The following ADAM7 variants were observed in gnomAD, a reference collection of about 807,000 sequenced individuals.
The protein encoded by ADAM7 is ADAM metallopeptidase domain 7, also known as disintegrin and metalloproteinase domain-containing protein 7.
Under a neutral mutation model 102.9 loss-of-function variants are expected in ADAM7, and 97 were observed. That is an observed-to-expected ratio of 0.94 (90% CI 0.80 to 1.12). The LOEUF (loss-of-function observed/expected upper bound fraction) is 1.12. ADAM7 is among the 50% of genes most tolerant of loss of function. The probability of loss-of-function intolerance (pLI) is 0.00; values close to 1 mark genes in which losing one functional copy is unlikely to be tolerated. For missense variants in ADAM7, 991 were observed against 908.7 expected (o/e 1.09, Z -1.16); for synonymous variants, 334 against 304.4 (o/e 1.10, Z -1.01).
chr8:24,487,214 G>A lies in ADAM7; in HGVS notation c.988G>A (p.Ala330Thr). 1 of 1,613,724 alleles carries A rather than the reference G, an allele frequency of 6.2e-7. No individual in the cohort carries two copies. Among genetic ancestry groups the A allele is most frequent in the Non-Finnish European group, 8.5e-7 (1 of 1,179,782 alleles). ...KDLLPDTNII[A>T]NRMAHQLGHN... ...TCTTTTACCTGACACAAACATAATT[G>A]CAAACAGAATGGCACATCAACTGGG... The change falls in exon 11 of 22, where the codon GCA (alanine) becomes ACA (threonine). Residue 330 changes from alanine to threonine, a missense_variant. Physicochemically the swap from Ala to Thr is moderately conservative, Grantham distance 58 (BLOSUM62 0). Coordinates refer to ENST00000175238, the MANE Select transcript of ADAM7 (RefSeq NM_003817.4).
chr8:24,501,213 T>A (rs1166003033), intron 19 of ADAM7, among the ~76,000 whole-genome samples: 1 of 152,186 alleles, frequency 6.6e-6, no homozygotes, highest in African/African-American at 2.4e-5. Context: ...GATTTAATTT[T>A]AGCCATAAAT....
At position 24,468,894 on chromosome 8, in the gene ADAM7, G is replaced by A; in HGVS notation, c.633+74G>A. Reference sequence around the variant, plus strand: ...TGTAGTTATCATTCTAGCATAGAGAGAAAGGTATTCTAATCAGAGTTCTAT... The same window carrying A: ...TGTAGTTATCATTCTAGCATAGAGAAAAAGGTATTCTAATCAGAGTTCTAT... On this transcript the variant is annotated intron_variant, in intron 7 of 21. Transcript: ENST00000175238. 8 of 1,371,422 alleles carry A rather than the reference G, an allele frequency of 5.8e-6. No homozygotes were observed. The South Asian group carries it at 7.4e-5, about 13-fold the overall frequency. The allele number at this position is 1,371,422 out of a possible 1,614,324, so 85.0% of individuals were successfully genotyped here.
At chr8:24,485,388 T>C (rs1164388106) in intron 10 of ADAM7, 27 bp downstream of exon 10, 3 of 1,586,802 alleles carry the variant, frequency 1.9e-6, no homozygotes, top group South Asian at 2.3e-5. Context: ...TTATATTACT[T>C]AATAATGTTT....
intron 2 of ADAM7, 24 bp from the exon 3 acceptor site, chr8:24,447,162 C>G: frequency 7.0e-7 from 1 of 1,427,690 alleles, no homozygotes; most frequent in Non-Finnish European, 9.7e-7. Flanking sequence ...ATGTTGAAGT[C>G]ACGTGATGCC....
chr8:24,460,346 A>G (rs1026817112), intron 3 of ADAM7, among the ~76,000 whole-genome samples: 2 of 152,004 alleles, frequency 1.3e-5, no homozygotes, highest in Admixed American at 6.5e-5. Context: ...TGTTAATGTT[A>G]TTATTTTTTA....
At chr8:24,447,937 A>AACACACACACAC (rs55836403) in intron 3 of ADAM7, among the ~76,000 whole-genome samples, 3 of 140,590 alleles carry the variant, frequency 2.1e-5, no homozygotes, top group Non-Finnish European at 4.6e-5. Flanking sequence ...TAAATAACAA[A>AACACACACACAC]ACACACACAC....
At position 24,443,261 on chromosome 8, in the gene ADAM7, T is replaced by G. The variant is rs552111938; in HGVS notation, c.156+685T>G. ...ACGTTGCCCAAACGTACTATGGAAA[T>G]CCAAACCCTTCCCAATGAATTTCTT... On this transcript the variant is annotated intron_variant, in intron 2 of 21. Coordinates refer to ENST00000175238, the MANE Select transcript of ADAM7 (RefSeq NM_003817.4). Among the ~76,000 whole-genome samples the G allele has an allele frequency of 3.9e-5, 6 of 152,270 alleles. No homozygotes were observed. In the South Asian group the frequency reaches 1.2e-3, roughly 32 times the overall value.
intron 11 of ADAM7, among the ~76,000 whole-genome samples, chr8:24,488,950 A>G (rs563276204): frequency 6.6e-6 from 1 of 152,220 alleles, no homozygotes; most frequent in South Asian, 2.1e-4. Flanking sequence ...TTGCTGGAGG[A>G]TCTATAACCA....
intron 20 of ADAM7, chr8:24,506,111 G>A (rs1274262767): frequency 6.5e-7 from 1 of 1,550,020 alleles, no homozygotes; most frequent in Admixed American, 2.0e-5. Flanking sequence ...CAGAATCCTT[G>A]GAAAGCCTGC....
At chr8:24,502,000 A>C (rs1384345656) in intron 20 of ADAM7, among the ~76,000 whole-genome samples, 1 of 150,674 alleles carries the variant, frequency 6.6e-6, no homozygotes, top group Non-Finnish European at 1.5e-5. Context: ...CCTGGCCAAC[A>C]TGGGAAACTC....
intron 3 of ADAM7, among the ~76,000 whole-genome samples, chr8:24,460,682 CCTT>C (rs1421978264): frequency 1.3e-5 from 2 of 151,582 alleles, no homozygotes; most frequent in Admixed American, 6.6e-5. Flanking sequence ...TACAGACACT[CCTT>C]ATTTGTGAAA....
chr8:24,500,169 C>G lies in ADAM7; in HGVS notation c.1924-9C>G, dbSNP rs1218786002. 4 of 1,607,172 alleles carry G rather than the reference C, an allele frequency of 2.5e-6. No individual in the cohort carries two copies. The African/African-American group carries it at 5.3e-5, about 21-fold the overall frequency. ...TCATTTGAGAATATATCATTGACTG[C>G]TCTTCCAGGTGGATGGCCACGGACT... On this transcript the variant is annotated splice_polypyrimidine_tract_variant and intron_variant, in intron 17 of 21. Transcript: ENST00000175238.
intron 20 of ADAM7, among the ~76,000 whole-genome samples, chr8:24,506,606 T>A (rs1283320512): frequency 6.6e-6 from 1 of 151,924 alleles, no homozygotes; most frequent in Non-Finnish European, 1.5e-5. Flanking sequence ...ACAGCAATGG[T>A]TTTCAGTGAG....
At chr8:24,461,471 A>T (rs929604203) in intron 3 of ADAM7, among the ~76,000 whole-genome samples, 8 of 152,210 alleles carry the variant, frequency 5.3e-5, no homozygotes, top group African/African-American at 1.9e-4. Flanking sequence ...GCAATCCGAC[A>T]GTGATGTGCA....
chr8:24,499,818 ACAC>A (rs1369950231), intron 17 of ADAM7, among the ~76,000 whole-genome samples: 33 of 148,396 alleles, frequency 2.2e-4, no homozygotes, highest in Non-Finnish European at 4.4e-4. Flanking sequence ...ACACACACAC[ACAC>A]ACACACATCA....
chr8:24,469,846 A>T (rs1424416357), intron 7 of ADAM7, among the ~76,000 whole-genome samples: 3 of 152,174 alleles, frequency 2.0e-5, no homozygotes, highest in Non-Finnish European at 4.4e-5. Context: ...TAAACAGAAG[A>T]TTAGACACAT....
Position 24,442,553 on chromosome 8 carries a change from CA to C in ADAM7, c.134del (p.His45ProfsTer8), listed in dbSNP as rs1281974566. ...LPLIQKRDTG[H>X]THDDDILKTY... is the part of the protein sequence containing the mutation. ...TCTGATACAGAAGCGAGATACTGGACACACCCATGATGATGACATACTGGTA... is the reference window on the plus strand; with the variant it reads ...TCTGATACAGAAGCGAGATACTGGACCACCCATGATGATGACATACTGGTA... On this transcript the variant is annotated frameshift_variant, in exon 2 of 22. Transcript: ENST00000175238. LOFTEE classifies it high-confidence loss of function. The C allele has an allele frequency of 6.2e-7, 1 of 1,613,786 alleles. No individual in the cohort carries two copies. The highest frequency in any genetic ancestry group is 1.3e-5 in the African/African-American group (1 of 74,916).
chr8:24,452,409 CTTCT>C (rs1202213766), intron 3 of ADAM7, among the ~76,000 whole-genome samples: 242 of 148,486 alleles, frequency 1.6e-3, no homozygotes, highest in Non-Finnish European at 2.4e-3. Flanking sequence ...ATGTAATGGC[CTTCT>C]TTGTCTCTTT....
intron 7 of ADAM7, among the ~76,000 whole-genome samples, chr8:24,470,321 T>C (rs1240932078): frequency 2.0e-5 from 3 of 152,118 alleles, no homozygotes; most frequent in Non-Finnish European, 4.4e-5. Context: ...AAATGTTCTA[T>C]GGAATTTTAG....
Sources: allele counts gnomAD v4.1 joint callset (sites outside exome capture counted in the v4.1 genomes callset), GRCh38; gene constraint gnomAD v4.1.1; transcripts MANE v1.5; gene names NCBI Gene and HGNC (gene_info 2026-07-23, HGNC 2026-07-21).